The following GAL3ST1 variants were observed in gnomAD, a reference collection of about 807,000 sequenced individuals.
The protein encoded by GAL3ST1 is galactose-3-O-sulfotransferase 1.
In GAL3ST1, 13 loss-of-function variants were observed where a neutral mutation model predicts 25.0. That is an observed-to-expected ratio of 0.52 (90% CI 0.34 to 0.83). The LOEUF (loss-of-function observed/expected upper bound fraction) is 0.83, where lower values mean the gene tolerates loss of function less well. Among genes scored for constraint, GAL3ST1 ranks in the 40% least tolerant of loss-of-function variants. GAL3ST1 has a pLI of 0.02. For synonymous variants in GAL3ST1, 274 were observed against 277.8 expected, an observed-to-expected ratio of 0.99 and a Z score of 0.14; for missense variants, 474 against 613.6, an observed-to-expected ratio of 0.77 and a Z score of 2.40.
intron 1 of GAL3ST1, among the ~76,000 whole-genome samples, chr22:30,574,132 C>G (rs901212439): frequency 1.3e-5 from 2 of 152,148 alleles, no homozygotes; most frequent in Admixed American, 1.3e-4. Context: ...TAATCATTAA[C>G]GCACTCCCAG....
At chr22:30,566,551 T>C (rs548161240) in intron 1 of GAL3ST1, among the ~76,000 whole-genome samples, 1 of 152,046 alleles carries the variant, frequency 6.6e-6, no homozygotes, top group African/African-American at 2.4e-5. Context: ...GGAGCACTGA[T>C]GGTAGACCTG....
At chr22:30,556,906 T>C (rs2086065700) in intron 3 of GAL3ST1, among the ~76,000 whole-genome samples, 1 of 152,194 alleles carries the variant, frequency 6.6e-6, no homozygotes, top group South Asian at 2.1e-4. Context: ...AGCTAATTTT[T>C]GTATTTTTAG....
intron 1 of GAL3ST1, among the ~76,000 whole-genome samples, chr22:30,561,811 G>C (rs2146387051): frequency 6.6e-6 from 1 of 152,324 alleles, no homozygotes; most frequent in East Asian, 1.9e-4. Context: ...CCAGCCACCT[G>C]AGGGGTCCAA....
chr22:30,569,909 C>T (rs1395769752), intron 1 of GAL3ST1, among the ~76,000 whole-genome samples: 1 of 152,110 alleles, frequency 6.6e-6, no homozygotes, highest in African/African-American at 2.4e-5. Flanking sequence ...ACAGTGAGAC[C>T]CCATCTGTAT....
chr22:30,565,409 C>T (rs547874299), intron 1 of GAL3ST1, among the ~76,000 whole-genome samples: 9 of 152,198 alleles, frequency 5.9e-5, no homozygotes, highest in African/African-American at 1.4e-4. Context: ...GGAGTACATA[C>T]GCAGACTTGC....
rs538349244 is a variant in GAL3ST1, at chr22:30,573,493, GCC to G, written c.-120+971_-120+972del. ...CTCTGGTCCAGGACTGCCCTCCTGT[GCC>G]CCCTGTGTGGGCCTGGATGAGCCTC... On this transcript the variant is annotated intron_variant, in intron 1 of 3. Coordinates refer to ENST00000406361, the MANE Select transcript of GAL3ST1 (RefSeq NM_001318104.2). 1.2e-3 allele frequency among the ~76,000 whole-genome samples: 188 copies of G among 152,312 alleles called. 1 individual carries two copies. The highest frequency in any genetic ancestry group is 4.1e-3 in the African/African-American group (170 of 41,568).
chr22:30,559,616 A>C (rs2086263704), intron 1 of GAL3ST1, among the ~76,000 whole-genome samples: 1 of 152,166 alleles, frequency 6.6e-6, no homozygotes, highest in Non-Finnish European at 1.5e-5. Flanking sequence ...TCCTGGACTC[A>C]AGCAATCCTC....
Position 30,555,917 on chromosome 22 carries a change from C to T in GAL3ST1, c.308G>A (p.Arg103Gln), listed in dbSNP as rs771078011. The T allele has an allele frequency of 5.6e-6, 9 of 1,614,072 alleles. No individual in the cohort carries two copies. In the East Asian group the frequency reaches 6.7e-5, roughly 12 times the overall value. The change falls in exon 4 of 4, where the codon CGG becomes CAG. Residue 103 changes from arginine (R) to glutamine (Q), a missense_variant. Coordinates refer to ENST00000406361, the MANE Select transcript of GAL3ST1 (RefSeq NM_001318104.2). The surrounding 1 kb of genome is among the most constrained non-coding windows in gnomAD (Gnocchi z 8.6). ...NILFRFGQKH[R>Q]LKFAFPNGRN... The stretch of plus-strand genomic sequence containing the variant: ...GCCGTTAGGGAAGGCGAACTTGAGC[C>T]GGTGCTTCTGGCCGAAGCGGAACAG...
At chr22:30,571,026 A>C (rs1422260435) in intron 1 of GAL3ST1, among the ~76,000 whole-genome samples, 4 of 151,236 alleles carry the variant, frequency 2.6e-5, no homozygotes, top group Non-Finnish European at 5.9e-5. Context: ...TCTTTACAAA[A>C]CAGCTTATAT....
intron 1 of GAL3ST1, among the ~76,000 whole-genome samples, chr22:30,566,714 A>T (rs1411328461): frequency 1.3e-5 from 2 of 151,598 alleles, no homozygotes; most frequent in Non-Finnish European, 2.9e-5. Context: ...GGTTCATGTT[A>T]TTCTCCTGCC....
At chr22:30,566,336 A>C (rs1270576417) in intron 1 of GAL3ST1, among the ~76,000 whole-genome samples, 2 of 152,194 alleles carry the variant, frequency 1.3e-5, no homozygotes, top group Non-Finnish European at 2.9e-5. Context: ...TCTGAACCCA[A>C]CACGGTCCAC....
At position 30,554,933 on chromosome 22, in the gene GAL3ST1, A is replaced by C. The variant is rs765365089; in HGVS notation, c.*20T>G. The C allele has an allele frequency of 3.9e-6, 6 of 1,529,366 alleles. No individual in the cohort carries two copies. Among genetic ancestry groups the C allele is most frequent in the Admixed American group, 1.9e-5 (1 of 53,320 alleles). The allele number at this position is 1,529,366 out of a possible 1,614,324, so 94.7% of individuals were successfully genotyped here. ...TCTGCAGGGAGCGAGCAGGCAGGCA[A>C]GCCGCTGGGCGGTGGGACGTCACCA... On this transcript the variant is annotated 3_prime_UTR_variant, in exon 4 of 4. Coordinates refer to ENST00000406361, the MANE Select transcript of GAL3ST1 (RefSeq NM_001318104.2).
At chr22:30,567,219 G>A (rs1246155219) in intron 1 of GAL3ST1, among the ~76,000 whole-genome samples, 1 of 152,102 alleles carries the variant, frequency 6.6e-6, no homozygotes, top group Non-Finnish European at 1.5e-5. Flanking sequence ...AACCCCAGAG[G>A]TCATCACCAT....
intron 1 of GAL3ST1, among the ~76,000 whole-genome samples, chr22:30,559,471 C>T (rs1188007273): frequency 6.6e-6 from 1 of 152,140 alleles, no homozygotes; most frequent in Non-Finnish European, 1.5e-5. Context: ...GATCTCCTGA[C>T]CTTGTGATCT....
At chr22:30,559,399 C>G (rs111802606) in intron 1 of GAL3ST1, among the ~76,000 whole-genome samples, 7 of 152,140 alleles carry the variant, frequency 4.6e-5, no homozygotes, top group African/African-American at 1.4e-4. Context: ...CGCCACCACA[C>G]CCAGCTAATT....
At chr22:30,572,527 C>T (rs1020063649) in intron 1 of GAL3ST1, among the ~76,000 whole-genome samples, 6 of 152,226 alleles carry the variant, frequency 3.9e-5, no homozygotes, top group African/African-American at 1.4e-4. Flanking sequence ...GCGTTAGCTC[C>T]TCTGATTGTA....
chr22:30,554,734 A>G lies in GAL3ST1; in HGVS notation c.*219T>C. 2.3e-6 allele frequency: 1 copy of G among 431,390 alleles called. No homozygotes were observed. Among genetic ancestry groups the G allele is most frequent in the African/African-American group, 2.0e-5 (1 of 48,902 alleles). 26.7% of individuals were successfully genotyped at this position (431,390 alleles called of 1,614,324 possible). A position where few individuals can be genotyped will look rare whatever the true frequency, so the allele number is the denominator to read the frequency against. ...TTTATCGGGGAGGGAAAGGGGTTTA[A>G]TAAAAACTGGTATAATTAGTTAAAT... On this transcript the variant is annotated 3_prime_UTR_variant, in exon 4 of 4. Transcript: ENST00000406361.
chr22:30,561,224 G>A lies in GAL3ST1; in HGVS notation c.-119-2836C>T, dbSNP rs181099227. On this transcript the variant is annotated intron_variant, in intron 1 of 3. Coordinates refer to ENST00000406361, the MANE Select transcript of GAL3ST1 (RefSeq NM_001318104.2). ...CTTCCAAAGTGTTGGGATTACAGGCGTGAGCCACTGAGCCTGGCCCCCATT... is the reference window on the plus strand; with the variant it reads ...CTTCCAAAGTGTTGGGATTACAGGCATGAGCCACTGAGCCTGGCCCCCATT... Among the ~76,000 whole-genome samples the A allele has an allele frequency of 8.6e-4, 131 of 152,296 alleles. 1 individual carries two copies. The highest frequency in any genetic ancestry group is 7.8e-3 in the Admixed American group (119 of 15,304).
At chr22:30,573,978 C>G (rs1328107882) in intron 1 of GAL3ST1, among the ~76,000 whole-genome samples, 2 of 152,324 alleles carry the variant, frequency 1.3e-5, no homozygotes, top group East Asian at 3.9e-4. Context: ...GGGGTACAGG[C>G]CAGGGCCTTC....
Sources: gnomAD v4.1 joint callset for allele counts (sites outside exome capture counted in the v4.1 genomes callset) on GRCh38, gnomAD v4.1.1 for gene constraint, Gnocchi (gnomAD v3.1) non-coding constraint, MANE v1.5 for transcripts, NCBI Gene and HGNC (gene_info 2026-07-23, HGNC 2026-07-21) for gene names.